HSD17B12: variants seen among roughly 807,000 people sequenced by gnomAD.
The protein encoded by HSD17B12 is hydroxysteroid 17-beta dehydrogenase 12.
A neutral mutation model predicts 39.3 loss-of-function variants in HSD17B12; 32 were observed. That is an observed-to-expected ratio of 0.81 (90% confidence interval 0.61 to 1.09). The LOEUF (loss-of-function observed/expected upper bound fraction) is 1.09, where lower values mean the gene tolerates loss of function less well. Among genes scored for constraint, HSD17B12 ranks in the 50% least tolerant of loss-of-function variants. HSD17B12 has a pLI of 0.00. For missense variants in HSD17B12, 342 were observed against 382.9 expected, an observed-to-expected ratio of 0.89 and a Z score of 0.89; for synonymous variants, 150 against 146.7, an observed-to-expected ratio of 1.02 and a Z score of -0.16.
At chr11:43,832,020 C>T (rs571577818) in intron 7 of HSD17B12, among the ~76,000 whole-genome samples, 2 of 152,340 alleles carry the variant, frequency 1.3e-5, no homozygotes, top group Admixed American at 6.5e-5. Flanking sequence ...AGTTAAGAAA[C>T]AGTTTCTCAG....
At chr11:43,649,746 G>A in the HSD17B12 span, among the ~76,000 whole-genome samples, 8 of 152,174 alleles carry the variant, frequency 5.3e-5, no homozygotes, top group East Asian at 1.5e-3. Flanking sequence ...TTTTGACCAA[G>A]ACTATGTGGT....
the HSD17B12 span, among the ~76,000 whole-genome samples, chr11:43,658,388 A>G: frequency 6.6e-6 from 1 of 152,072 alleles, no homozygotes; most frequent in Non-Finnish European, 1.5e-5. Context: ...TTCTTCCCTC[A>G]ACTTGTGAAA....
intron 1 of HSD17B12, among the ~76,000 whole-genome samples, chr11:43,683,284 G>T (rs1241632112): frequency 6.6e-6 from 1 of 152,114 alleles, no homozygotes; most frequent in East Asian, 1.9e-4. Context: ...GGAAGTATTT[G>T]TGTAAGATTT....
intron 7 of HSD17B12, among the ~76,000 whole-genome samples, chr11:43,832,681 T>C (rs1951323835): frequency 6.6e-6 from 1 of 152,140 alleles, no homozygotes; most frequent in East Asian, 1.9e-4. Context: ...ATCCATTCAA[T>C]AGGCATTCAT....
At chr11:43,689,995 C>T (rs1949837784) in intron 1 of HSD17B12, among the ~76,000 whole-genome samples, 3 of 152,106 alleles carry the variant, frequency 2.0e-5, no homozygotes, top group Admixed American at 2.0e-4. Flanking sequence ...GCTTTTTCCT[C>T]TTCACGGAAT....
intron 1 of HSD17B12, among the ~76,000 whole-genome samples, chr11:43,736,186 G>T (rs1033786198): frequency 6.6e-6 from 1 of 152,196 alleles, no homozygotes; most frequent in African/African-American, 2.4e-5. Flanking sequence ...CAGGCAGAAG[G>T]CATTTTTGGG....
chr11:43,556,955 C>T, the HSD17B12 span: 8 of 151,832 alleles, frequency 5.3e-5, no homozygotes, highest in African/African-American at 1.7e-4. Flanking sequence ...TGAAGGAGCT[C>T]GCCAAGGTAG....
rs1269677980 is a variant in HSD17B12 at position 43,683,756 on chromosome 11, T to C, written c.160+2769T>C. Among the ~76,000 whole-genome samples, 18 of 152,194 alleles carry C rather than the reference T, an allele frequency of 1.2e-4. No individual in the cohort carries two copies. The South Asian group carries it at 3.1e-3, about 26-fold the overall frequency. Reference sequence around the variant, plus strand: ...TACTAATATTTAATATTTTCCTCTTTAAAACCAATTATATATTTTAAGTAT... The same window carrying C: ...TACTAATATTTAATATTTTCCTCTTCAAAACCAATTATATATTTTAAGTAT... On this transcript the variant is annotated intron_variant, in intron 1 of 10. Transcript: ENST00000278353.
chr11:43,782,889 A>G (rs1200332775), intron 3 of HSD17B12, among the ~76,000 whole-genome samples: 1 of 152,220 alleles, frequency 6.6e-6, no homozygotes, highest in Non-Finnish European at 1.5e-5. Context: ...AGTTATCATC[A>G]TCAGTACTGG....
In HSD17B12 at chr11:43,750,455, G is replaced by C. The variant is rs150191790; in HGVS notation, c.161-456G>C. On this transcript the variant is annotated intron_variant, in intron 1 of 10. Coordinates refer to ENST00000278353, the MANE Select transcript of HSD17B12 (RefSeq NM_016142.3). ...TTTTATTGCTGTTTAGTATTCCATT[G>C]TTTGTCTATATCTCAATTTACTTAT... 3.3e-3 allele frequency among the ~76,000 whole-genome samples: 508 copies of C among 151,806 alleles called. 1 individual carries two copies. The highest frequency in any genetic ancestry group is 6.5e-3 in the Non-Finnish European group (441 of 67,906).
the HSD17B12 span, among the ~76,000 whole-genome samples, chr11:43,613,586 T>G: frequency 6.6e-6 from 1 of 151,988 alleles, no homozygotes; most frequent in East Asian, 1.9e-4. Context: ...TATTCTTATT[T>G]TTATTATTTT....
the HSD17B12 span, among the ~76,000 whole-genome samples, chr11:43,675,618 A>T: frequency 6.6e-6 from 1 of 152,150 alleles, no homozygotes; most frequent in African/African-American, 2.4e-5. Flanking sequence ...TTAAAAAAAA[A>T]AAAACCCTCT....
the HSD17B12 span, among the ~76,000 whole-genome samples, chr11:43,619,951 G>A: frequency 1.3e-5 from 2 of 152,178 alleles, no homozygotes; most frequent in African/African-American, 4.8e-5. Context: ...TGACTTTTGT[G>A]AAGGCATCCA....
rs12049800 is a variant in HSD17B12 at position 43,797,273 on chromosome 11, C to G, written c.284-1047C>G. 3.9e-3 allele frequency among the ~76,000 whole-genome samples: 593 copies of G among 152,252 alleles called. 5 individuals carry two copies. The East Asian group carries it at 0.044, about 11-fold the overall frequency. ...CTAAAGAAAGATTTATTTTTGGAAG[C>G]AGGATTTTAAAATTAGTTCTTTTGA... On this transcript the variant is annotated intron_variant, in intron 3 of 10. Transcript: ENST00000278353.
chr11:43,807,113 GATTC>G (rs1489511490), intron 4 of HSD17B12, among the ~76,000 whole-genome samples: 1 of 151,806 alleles, frequency 6.6e-6, no homozygotes. Flanking sequence ...TTTTTTGATT[GATTC>G]ATTCAATCAA....
At chr11:43,590,506 A>ATTTTTTTTTTTTTTTT in the HSD17B12 span, among the ~76,000 whole-genome samples, 315 of 51,602 alleles carry the variant, frequency 6.1e-3, 63 homozygotes, top group African/African-American at 0.011. Flanking sequence ...GGAGTGAGTG[A>ATTTTTTTTTTTTTTTT]TTTTTTTTTT....
intron 1 of HSD17B12, among the ~76,000 whole-genome samples, chr11:43,693,942 ATCTG>A (rs1168039770): frequency 6.6e-6 from 1 of 152,226 alleles, no homozygotes; most frequent in Non-Finnish European, 1.5e-5. Flanking sequence ...GCTACTGCTT[ATCTG>A]TGTGTTCCAA....
At chr11:43,832,308 A>G (rs1048354675) in intron 7 of HSD17B12, among the ~76,000 whole-genome samples, 1 of 152,202 alleles carries the variant, frequency 6.6e-6, no homozygotes, top group Non-Finnish European at 1.5e-5. Flanking sequence ...ATTGGTTCAG[A>G]ATAGTAAATC....
chr11:43,607,089 T>C, the HSD17B12 span, among the ~76,000 whole-genome samples: 10 of 152,220 alleles, frequency 6.6e-5, no homozygotes, highest in Non-Finnish European at 1.3e-4. Flanking sequence ...ATACTCCATA[T>C]AGTATATATT....
Sources: allele counts gnomAD v4.1 joint callset (sites outside exome capture counted in the v4.1 genomes callset), GRCh38; gene constraint gnomAD v4.1.1; transcripts MANE v1.5; gene names NCBI Gene and HGNC (gene_info 2026-07-23, HGNC 2026-07-21).